The following MRPL10 variants were observed in gnomAD, a reference collection of about 807,000 sequenced individuals.
The protein encoded by MRPL10 is mitochondrial ribosomal protein L10.
A neutral mutation model predicts 19.8 loss-of-function variants in MRPL10; 14 were observed. That is an observed-to-expected ratio of 0.71 (90% CI 0.47 to 1.11). The LOEUF is 1.11. Among genes scored for constraint, MRPL10 ranks in the 50% least tolerant of loss-of-function variants. The probability of loss-of-function intolerance (pLI) is 0.00; values close to 1 mark genes in which losing one functional copy is unlikely to be tolerated. For synonymous variants in MRPL10, 129 were observed against 139.2 expected (o/e 0.93, Z 0.52); for missense variants, 318 against 339.6 (o/e 0.94, Z 0.50).
Position 47,827,167 on chromosome 17 carries a change from G to A in MRPL10, c.260C>T (p.Ala87Val), listed in dbSNP as rs767327592. ...CATTCGGTTGTCCTGGAAAACTGCT[G>A]CTATCTCCCGGCGGAGAAGCCTGAT... ...GLIRLLRREIAAVFQDNRMIA... is the reference protein window; with the variant it reads ...GLIRLLRREIVAVFQDNRMIA... The change falls in exon 3 of 5, where the codon GCA becomes GTA. Residue 87 changes from alanine to valine, a missense_variant. Transcript: ENST00000351111. 3.7e-6 allele frequency: 6 copies of A among 1,613,852 alleles called. No homozygotes were observed. The highest frequency in any genetic ancestry group is 4.2e-6 in the Non-Finnish European group (5 of 1,179,846).
chr17:47,828,767 A>G, intron 1 of MRPL10, 97 bp from the exon 2 acceptor site: 1 of 975,546 alleles, frequency 1.0e-6, no homozygotes, highest in Non-Finnish European at 1.4e-6. Flanking sequence ...AGAGAAAAGC[A>G]CAGCTCACAG....
chr17:47,827,700 C>T (rs1170879116), intron 2 of MRPL10, among the ~76,000 whole-genome samples: 1 of 151,092 alleles, frequency 6.6e-6, no homozygotes, highest in Non-Finnish European at 1.5e-5. Flanking sequence ...AGTTCGAGAC[C>T]AGCCTGACCA....
At chr17:47,827,940 C>T (rs2033560946) in intron 2 of MRPL10, among the ~76,000 whole-genome samples, 1 of 142,518 alleles carries the variant, frequency 7.0e-6, no homozygotes, top group Non-Finnish European at 1.5e-5. Flanking sequence ...CAGGGTGGCT[C>T]ATGCCTGCAA....
chr17:47,824,029 T>A lies in MRPL10; in HGVS notation c.*176A>T. On this transcript the variant is annotated 3_prime_UTR_variant, in exon 5 of 5. Transcript: ENST00000351111. ...CTAAGGACGAAGCCGGTGACTGACA[T>A]CTGAAATGGAATCCTCTGCATCTCC... 1.3e-6 allele frequency: 1 copy of A among 761,348 alleles called. No individual in the cohort carries two copies. The highest frequency in any genetic ancestry group is 2.1e-6 in the Non-Finnish European group (1 of 477,274). The allele number at this position is 761,348 out of a possible 1,614,324, so 47.2% of individuals were successfully genotyped here.
rs931223701 is a variant in MRPL10 at position 47,829,916 on chromosome 17, G to C, written c.53-1246C>G. On this transcript the variant is annotated intron_variant, in intron 1 of 4. Transcript: ENST00000351111. The stretch of plus-strand genomic sequence containing the variant: ...TCTCAAAAAAAAAAAAAGAAAGAAA[G>C]AAAGAAAAATAAACATAAATTCTCA... 6.6e-5 allele frequency among the ~76,000 whole-genome samples: 10 copies of C among 151,876 alleles called. 1 individual carries two copies. In the South Asian group the frequency reaches 1.3e-3, roughly 19 times the overall value.
At position 47,831,503 on chromosome 17, in the gene MRPL10, C is replaced by T. The variant is rs911368228; in HGVS notation, c.9G>A (p.Ala3=). 1.3e-6 allele frequency: 2 copies of T among 1,550,054 alleles called. No homozygotes were observed. The highest frequency in any genetic ancestry group is 2.0e-5 in the Admixed American group (1 of 50,920). The part of the protein sequence containing the change: MA[A]AVAGMLRGGL... ...CCCCTCGCAGCATCCCCGCCACGGC[C>T]GCAGCCATCTCCACCGGAAGAATGG... Residue 3 remains alanine, a synonymous_variant, in exon 1 of 5, where the codon GCG becomes GCA. Transcript: ENST00000351111.
Position 47,823,402 on chromosome 17 carries a change from A to C in MRPL10, c.*803T>G, listed in dbSNP as rs1034873308. ...AGTGAGGAAAGTCAGATGACAGAGA[A>C]GCCCCTGAGAGTAAGTTTAGAGGGA... On this transcript the variant is annotated 3_prime_UTR_variant, in exon 5 of 5. Transcript: ENST00000351111. 5 of 150,178 alleles carry C rather than the reference A, an allele frequency of 3.3e-5. No homozygotes were observed. The Admixed American group carries it at 3.3e-4, about 10-fold the overall frequency. 9.3% of individuals were successfully genotyped at this position (150,178 alleles called of 1,614,324 possible). A position where few individuals can be genotyped will look rare whatever the true frequency, so the allele number is the denominator to read the frequency against.
chr17:47,826,555 C>T, intron 4 of MRPL10, 82 bp downstream of exon 4: 1 of 1,553,908 alleles, frequency 6.4e-7, no homozygotes, highest in Non-Finnish European at 8.8e-7. Flanking sequence ...CAAGAACGTT[C>T]ACGGTTTTAC....
chr17:47,827,227 A>G (rs1260613519), intron 2 of MRPL10, 23 bp from the exon 3 acceptor site: 4 of 1,588,988 alleles, frequency 2.5e-6, no homozygotes, highest in Non-Finnish European at 3.4e-6. Flanking sequence ...AGCAATGACC[A>G]AGGGTACATC....
At chr17:47,830,463 C>G (rs1204993305) in intron 1 of MRPL10, among the ~76,000 whole-genome samples, 1 of 151,956 alleles carries the variant, frequency 6.6e-6, no homozygotes, top group African/African-American at 2.4e-5. Context: ...GCCACAAAAC[C>G]TAACTGTTAA....
chr17:47,828,334 C>G lies in MRPL10; in HGVS notation c.222+167G>C. ...CCAATCCAGAGCCCAAAAGCCAATA[C>G]AGAATCAAGTGCGGATTTCATCTTA... On this transcript the variant is annotated intron_variant, in intron 2 of 4. Transcript: ENST00000351111. 8.0e-6 allele frequency: 4 copies of G among 497,230 alleles called. No homozygotes were observed. The East Asian group carries it at 1.1e-4, about 13-fold the overall frequency. 30.8% of individuals were successfully genotyped at this position (497,230 alleles called of 1,614,324 possible).
chr17:47,826,481 T>G (rs2033534578), intron 4 of MRPL10, among the ~76,000 whole-genome samples, 156 bp downstream of exon 4: 1 of 151,786 alleles, frequency 6.6e-6, no homozygotes, highest in African/African-American at 2.4e-5. Flanking sequence ...GGTGTGGGAG[T>G]GACAGTCGGC....
intron 1 of MRPL10, among the ~76,000 whole-genome samples, chr17:47,830,922 G>A (rs1247459317): frequency 6.6e-6 from 1 of 152,108 alleles, no homozygotes; most frequent in Non-Finnish European, 1.5e-5. Context: ...TTTCTCACAG[G>A]GTGCTTTAGA....
At chr17:47,826,612 C>T (rs747005169) in intron 4 of MRPL10, 25 bp downstream of exon 4, 1 of 1,612,006 alleles carries the variant, frequency 6.2e-7, no homozygotes, top group Non-Finnish European at 8.5e-7. Context: ...CACCCCACCC[C>T]TAACTGGCAG....
At chr17:47,830,725 C>T (rs1333142755) in intron 1 of MRPL10, among the ~76,000 whole-genome samples, 3 of 152,116 alleles carry the variant, frequency 2.0e-5, no homozygotes, top group Non-Finnish European at 4.4e-5. Context: ...AAGCTGGTCT[C>T]AAATTCTTGA....
In MRPL10 at chr17:47,824,339, T is replaced by C. The variant is rs1419348842; in HGVS notation, c.652A>G (p.Thr218Ala). The change falls in exon 5 of 5, where the codon ACC becomes GCC. Residue 218 changes from threonine (T) to alanine (A), a missense_variant. Transcript: ENST00000351111. ...VGGLTCLTAQ[T>A]HSLLQHQPLQ... ...GGCTGGTGCTGGAGCAGGGAGTGGG[T>C]CTGGGCTGTGAGGCAGGTGAGGCCT... 1.2e-6 allele frequency: 2 copies of C among 1,613,638 alleles called. No individual in the cohort carries two copies. The highest frequency in any genetic ancestry group is 1.7e-6 in the Non-Finnish European group (2 of 1,179,856).
intron 1 of MRPL10, among the ~76,000 whole-genome samples, chr17:47,830,176 C>T (rs562986748): frequency 6.6e-6 from 1 of 152,308 alleles, no homozygotes; most frequent in Admixed American, 6.5e-5. Context: ...AAAAATGTTA[C>T]ACCATTCTCA....
chr17:47,831,270 G>T, intron 1 of MRPL10, 190 bp downstream of exon 1: 1 of 1,473,538 alleles, frequency 6.8e-7, no homozygotes, highest in Non-Finnish European at 9.0e-7. Flanking sequence ...CAAAAGAAAC[G>T]CTGGAGACAG....
rs764762358 is a variant in MRPL10 at position 47,824,342 on chromosome 17, G to T, written c.649C>A (p.Gln217Lys). 1 of 1,613,828 alleles carries T rather than the reference G, an allele frequency of 6.2e-7. No individual in the cohort carries two copies. The highest frequency in any genetic ancestry group is 1.7e-5 in the Admixed American group (1 of 60,016). The change falls in exon 5 of 5, where the codon CAG becomes AAG. Residue 217 changes from glutamine to lysine, a missense_variant. Coordinates refer to ENST00000351111, the MANE Select transcript of MRPL10 (RefSeq NM_145255.4). ...TGGTGCTGGAGCAGGGAGTGGGTCT[G>T]GGCTGTGAGGCAGGTGAGGCCTCCT... ...LVGGLTCLTA[Q>K]THSLLQHQPL...
Sources: gnomAD v4.1 joint callset for allele counts (sites outside exome capture counted in the v4.1 genomes callset) on GRCh38, gnomAD v4.1.1 for gene constraint, MANE v1.5 for transcripts, NCBI Gene and HGNC (gene_info 2026-07-23, HGNC 2026-07-21) for gene names.